Variants in HS3ST2 observed in about 807,000 individuals in gnomAD.
The protein encoded by HS3ST2 is heparan sulfate-glucosamine 3-sulfotransferase 2, also known as heparan sulfate glucosamine 3-O-sulfotransferase 2.
A neutral mutation model predicts 26.3 loss-of-function variants in HS3ST2; 17 were observed. The ratio of observed to expected loss-of-function variants is 0.65; its 90% CI spans 0.44 to 0.97. HS3ST2 has a LOEUF of 0.97. Ranked by LOEUF, HS3ST2 falls within the 50% of genes least tolerant of loss-of-function variation. The pLI is 0.00. For missense variants in HS3ST2, 402 were observed against 501.2 expected (o/e 0.80, Z 1.89); for synonymous variants, 237 against 219.2 (o/e 1.08, Z -0.72).
intron 1 of HS3ST2, among the ~76,000 whole-genome samples, chr16:22,857,030 A>G (rs1415547127): frequency 6.6e-6 from 1 of 152,194 alleles, no homozygotes; most frequent in East Asian, 1.9e-4. Flanking sequence ...GGTGTTTTGT[A>G]TGCACCATGC....
At chr16:22,870,274 TG>T in intron 1 of HS3ST2, among the ~76,000 whole-genome samples, 1 of 152,112 alleles carries the variant, frequency 6.6e-6, no homozygotes, top group African/African-American at 2.4e-5. Flanking sequence ...TAATAACCTG[TG>T]GGGGCAGGAA....
chr16:22,866,776 C>A (rs1901764228), intron 1 of HS3ST2, among the ~76,000 whole-genome samples: 1 of 151,984 alleles, frequency 6.6e-6, no homozygotes, highest in Non-Finnish European at 1.5e-5. Flanking sequence ...TGCACTCCAG[C>A]CTGGGTGACA....
chr16:22,867,535 C>T (rs1901774302), intron 1 of HS3ST2, among the ~76,000 whole-genome samples: 2 of 152,094 alleles, frequency 1.3e-5, no homozygotes, highest in Non-Finnish European at 2.9e-5. Flanking sequence ...AGATAAACAA[C>T]CTAACAAGTT....
At chr16:22,845,286 C>T (rs12921390) in intron 1 of HS3ST2, among the ~76,000 whole-genome samples, 9 of 148,110 alleles carry the variant, frequency 6.1e-5, no homozygotes, top group Non-Finnish European at 1.2e-4. Context: ...ATTCCAGCTG[C>T]CAATGCTCTC....
intron 1 of HS3ST2, among the ~76,000 whole-genome samples, chr16:22,854,317 C>T (rs1448105133): frequency 1.3e-5 from 2 of 152,118 alleles, no homozygotes; most frequent in African/African-American, 2.4e-5. Flanking sequence ...GAAGTTAGAA[C>T]TTTGCCAGGA....
intron 1 of HS3ST2, among the ~76,000 whole-genome samples, chr16:22,834,801 T>C (rs1901228879): frequency 6.6e-6 from 1 of 152,010 alleles, no homozygotes; most frequent in Admixed American, 6.6e-5. Context: ...TTGTCAACAT[T>C]GACTATTAGC....
intron 1 of HS3ST2, among the ~76,000 whole-genome samples, chr16:22,824,339 G>A (rs369778788): frequency 3.9e-5 from 6 of 152,288 alleles, no homozygotes; most frequent in African/African-American, 1.4e-4. Flanking sequence ...ACGAGGTCAG[G>A]AGATCGAGAC....
chr16:22,818,097 T>C (rs1900900385), intron 1 of HS3ST2, among the ~76,000 whole-genome samples: 1 of 152,214 alleles, frequency 6.6e-6, no homozygotes, highest in Non-Finnish European at 1.5e-5. Context: ...CTTTCTGCCA[T>C]GCCATCTCTG....
At chr16:22,852,953 G>T (rs1352475679) in intron 1 of HS3ST2, among the ~76,000 whole-genome samples, 2 of 151,900 alleles carry the variant, frequency 1.3e-5, no homozygotes, top group Non-Finnish European at 2.9e-5. Flanking sequence ...TCTCACGAAA[G>T]AAATTATAGA....
intron 1 of HS3ST2, among the ~76,000 whole-genome samples, chr16:22,871,878 A>C (rs1327263162): frequency 6.6e-6 from 1 of 152,114 alleles, no homozygotes; most frequent in Non-Finnish European, 1.5e-5. Flanking sequence ...TAGGGAAAGG[A>C]TTCATTTCCA....
intron 1 of HS3ST2, among the ~76,000 whole-genome samples, chr16:22,817,727 T>C (rs1405762055): frequency 1.3e-5 from 2 of 152,188 alleles, no homozygotes; most frequent in African/African-American, 2.4e-5. Flanking sequence ...CTTGCACCCA[T>C]TGGAGTGGAC....
At chr16:22,869,119 G>A (rs1410823068) in intron 1 of HS3ST2, among the ~76,000 whole-genome samples, 2 of 151,840 alleles carry the variant, frequency 1.3e-5, no homozygotes, top group African/African-American at 4.8e-5. Context: ...GGAACAGCCC[G>A]GAAGCCTAGT....
At chr16:22,895,751 TG>T (rs1902201961) in intron 1 of HS3ST2, among the ~76,000 whole-genome samples, 1 of 152,274 alleles carries the variant, frequency 6.6e-6, no homozygotes, top group South Asian at 2.1e-4. Flanking sequence ...TTTTGTTATA[TG>T]GCCACACAAT....
intron 1 of HS3ST2, among the ~76,000 whole-genome samples, chr16:22,826,489 T>TA (rs1391618242): frequency 1.3e-5 from 2 of 152,222 alleles, no homozygotes; most frequent in African/African-American, 4.8e-5. Flanking sequence ...ATTTACTTCT[T>TA]ACTTCTCACT....
chr16:22,820,492 G>A (rs1357432121), intron 1 of HS3ST2, among the ~76,000 whole-genome samples: 1 of 152,232 alleles, frequency 6.6e-6, no homozygotes, highest in Non-Finnish European at 1.5e-5. Context: ...TGGCTGAGGA[G>A]GCCTCACAAT....
In HS3ST2 at chr16:22,878,510, T is replaced by C. The variant is rs117232084; in HGVS notation, c.486-36434T>C. Among the ~76,000 whole-genome samples, 23 of 152,172 alleles carry C rather than the reference T, an allele frequency of 1.5e-4. No homozygotes were observed. In the East Asian group the frequency reaches 4.2e-3, roughly 28 times the overall value. On this transcript the variant is annotated intron_variant, in intron 1 of 1. Transcript: ENST00000261374. ...TTGAAAGGGATTAACCAGCTGGGTC[T>C]GTGATGCAGGGTTAGTTGGGCTCAC...
intron 1 of HS3ST2, among the ~76,000 whole-genome samples, chr16:22,881,194 G>A (rs1390671051): frequency 1.3e-5 from 2 of 152,208 alleles, no homozygotes; most frequent in Non-Finnish European, 2.9e-5. Flanking sequence ...CACATGTCTT[G>A]TAGGGCTGCT....
At chr16:22,857,831 G>A (rs982818072) in intron 1 of HS3ST2, among the ~76,000 whole-genome samples, 2 of 152,064 alleles carry the variant, frequency 1.3e-5, no homozygotes, top group African/African-American at 2.4e-5. Context: ...TTATGATCGC[G>A]CAAACACAGG....
chr16:22,875,356 A>T (rs2141194680), intron 1 of HS3ST2, among the ~76,000 whole-genome samples: 1 of 151,994 alleles, frequency 6.6e-6, no homozygotes, highest in East Asian at 1.9e-4. Context: ...AAGACAGAAA[A>T]ATACTTTTAA....
Sources: gnomAD v4.1 joint callset for allele counts (sites outside exome capture counted in the v4.1 genomes callset) on GRCh38, gnomAD v4.1.1 for gene constraint, MANE v1.5 for transcripts, NCBI Gene and HGNC (gene_info 2026-07-23, HGNC 2026-07-21) for gene names.